The following ENTPD7 variants were observed in gnomAD, a reference collection of about 807,000 sequenced individuals.
The protein encoded by ENTPD7 is ectonucleoside triphosphate diphosphohydrolase 7.
In ENTPD7, 53 loss-of-function variants were observed where a neutral mutation model predicts 77.9. The ratio of observed to expected loss-of-function variants is 0.68; its 90% CI spans 0.55 to 0.85. ENTPD7 has a LOEUF of 0.85. ENTPD7 is among the 40% of genes least tolerant of loss of function. The pLI is 0.00. For missense variants in ENTPD7, 636 were observed against 743.7 expected (o/e 0.86, Z 1.68); for synonymous variants, 248 against 274.9 (o/e 0.90, Z 0.97).
intron 3 of ENTPD7, among the ~76,000 whole-genome samples, chr10:99,665,029 T>C (rs1015710170): frequency 8.6e-5 from 13 of 151,666 alleles, no homozygotes; most frequent in African/African-American, 2.2e-4. Context: ...GGCAGGTGGA[T>C]TGCACGAGCT....
intron 3 of ENTPD7, among the ~76,000 whole-genome samples, chr10:99,677,261 C>T (rs1003772000): frequency 3.3e-5 from 5 of 150,924 alleles, no homozygotes; most frequent in Non-Finnish European, 5.9e-5. Context: ...CTGTTAGCTT[C>T]AGACATCACA....
At chr10:99,695,839 C>T in intron 8 of ENTPD7, 117 bp from the exon 9 acceptor site, 1 of 929,016 alleles carries the variant, frequency 1.1e-6, no homozygotes, top group Admixed American at 3.1e-5. Flanking sequence ...TGAAAGAATG[C>T]TTAAGATGTT....
chr10:99,672,606 A>T (rs2035630662), intron 3 of ENTPD7, among the ~76,000 whole-genome samples: 1 of 152,142 alleles, frequency 6.6e-6, no homozygotes, highest in South Asian at 2.1e-4. Context: ...CACCCAGCCC[A>T]TTTATTTGAT....
In ENTPD7 at chr10:99,695,985, G is replaced by T. The variant is rs1205442940; in HGVS notation, c.873G>T (p.Glu291Asp). The stretch of plus-strand genomic sequence containing the variant: ...AAGCTGCCAAGATCCTGCTGGCTGA[G>T]TTCAACCTGGGCTGTGATGTGCAAC... ...QEEAAKILLA[E>D]FNLGCDVQHT... The change falls in exon 9 of 13, where the codon GAG becomes GAT. Residue 291 changes from glutamate to aspartate, a missense_variant. Around this residue, in one of 3 missense-constraint regions of ENTPD7, gnomAD observed 486 missense variants for 556.5 expected, o/e 0.87. Transcript: ENST00000370489. The T allele has an allele frequency of 6.2e-7, 1 of 1,613,736 alleles. No homozygotes were observed. The highest frequency in any genetic ancestry group is 8.5e-7 in the Non-Finnish European group (1 of 1,179,874).
intron 7 of ENTPD7, among the ~76,000 whole-genome samples, chr10:99,691,062 C>G (rs2035876480): frequency 6.6e-6 from 1 of 152,148 alleles, no homozygotes; most frequent in African/African-American, 2.4e-5. Flanking sequence ...TAATAGCTCA[C>G]TGCAGCCTCA....
At chr10:99,669,765 T>TG (rs1346550099) in intron 3 of ENTPD7, among the ~76,000 whole-genome samples, 79 of 143,694 alleles carry the variant, frequency 5.5e-4, no homozygotes, top group African/African-American at 2.0e-3. Context: ...TTTTTTTTTT[T>TG]TTGAGACAGA....
At position 99,704,582 on chromosome 10, in the gene ENTPD7, C is replaced by T. The variant is rs766522075; in HGVS notation, c.1714C>T (p.Leu572=). The change falls in exon 13 of 13, where the codon CTA becomes TTA. Residue 572 remains leucine (L), a synonymous_variant. Transcript: ENST00000370489. ...GGCCATCTTCCTATACCTTCTGCGG[C>T]TACGCCGAATTCACCACCGACAAAC... is the stretch of plus-strand genomic sequence containing the variant. ...LLAIFLYLLR[L]RRIHHRQTRA... is the part of the protein sequence containing the mutation. 6.2e-7 allele frequency: 1 copy of T among 1,614,216 alleles called. No individual in the cohort carries two copies. The highest frequency in any genetic ancestry group is 1.1e-5 in the South Asian group (1 of 91,082).
At chr10:99,702,434 T>A in intron 11 of ENTPD7, 78 bp from the exon 12 acceptor site, 1 of 1,264,288 alleles carries the variant, frequency 7.9e-7, no homozygotes, top group Non-Finnish European at 1.1e-6. Flanking sequence ...CTTGTGGGAA[T>A]ACGGAGTGGC....
Position 99,663,465 on chromosome 10 carries a change from GT to G in ENTPD7, c.191+1852del, listed in dbSNP as rs796785991. Among the ~76,000 whole-genome samples the G allele has an allele frequency of 1.5e-3, 208 of 134,306 alleles. 1 individual carries two copies. The highest frequency in any genetic ancestry group is 3.1e-3 in the South Asian group (13 of 4,170). 88.1% of individuals were successfully genotyped at this position (134,306 alleles called of 152,430 possible). Reference sequence around the variant, plus strand: ...TGTTGTTTTCTACATGATTTTATTTGTTTTTTTTTTTTTTTGAGACTATCTC... The same window carrying G: ...TGTTGTTTTCTACATGATTTTATTTGTTTTTTTTTTTTTTGAGACTATCTC... On this transcript the variant is annotated intron_variant, in intron 3 of 12. Transcript: ENST00000370489.
Position 99,710,850 on chromosome 10 carries a change from A to G in ENTPD7, c.*6167A>G, listed in dbSNP as rs1169378633. 1.0e-6 allele frequency: 1 copy of G among 985,320 alleles called. No individual in the cohort carries two copies. The highest frequency in any genetic ancestry group is 1.2e-6 in the Non-Finnish European group (1 of 829,930). The allele number at this position is 985,320 out of a possible 1,614,324, so 61.0% of individuals were successfully genotyped here. A position where few individuals can be genotyped will look rare whatever the true frequency, so the allele number is the denominator to read the frequency against. The stretch of plus-strand genomic sequence containing the variant: ...TTTGTCAGTCTAAGTTACAGACAAA[A>G]AATTCTAGGTTGACTGATTAAGAAA... On this transcript the variant is annotated 3_prime_UTR_variant, in exon 13 of 13. Transcript: ENST00000370489.
rs2036281770 is a variant in ENTPD7 at position 99,707,789 on chromosome 10, A to T, written c.*3106A>T. Among the ~76,000 whole-genome samples the T allele has an allele frequency of 2.0e-5, 3 of 152,186 alleles. No individual in the cohort carries two copies. In the South Asian group the frequency reaches 6.2e-4, roughly 32 times the overall value. On this transcript the variant is annotated 3_prime_UTR_variant, in exon 13 of 13. Transcript: ENST00000370489. ...GAACATAATGAAAAATATGTAAAATACCCATTTATGTGGCATTTCATTCAC... is the reference window on the plus strand; with the variant it reads ...GAACATAATGAAAAATATGTAAAATTCCCATTTATGTGGCATTTCATTCAC...
At chr10:99,701,327 G>C (rs2036119835) in intron 11 of ENTPD7, among the ~76,000 whole-genome samples, 1 of 149,536 alleles carries the variant, frequency 6.7e-6, no homozygotes, top group East Asian at 2.0e-4. Flanking sequence ...TCACTTTGTT[G>C]CCCAGGCTGG....
chr10:99,688,661 A>T, intron 6 of ENTPD7, 33 bp from the exon 7 acceptor site: 3 of 1,611,938 alleles, frequency 1.9e-6, no homozygotes, highest in Non-Finnish European at 2.5e-6. Flanking sequence ...AGCAGTAGAG[A>T]ATTAAGTGAG....
rs2035679952 is a variant in ENTPD7, at chr10:99,676,257, TTTATTTAAA to T, written c.192-3002_192-2994del. Among the ~76,000 whole-genome samples the T allele has an allele frequency of 3.9e-5, 6 of 152,180 alleles. No individual in the cohort carries two copies. In the South Asian group the frequency reaches 1.2e-3, roughly 32 times the overall value. On this transcript the variant is annotated intron_variant, in intron 3 of 12. Coordinates refer to ENST00000370489, the MANE Select transcript of ENTPD7 (RefSeq NM_020354.5). The stretch of plus-strand genomic sequence containing the variant: ...ATATATTTATATGTAATGAGTTTAT[TTTATTTAAA>T]TGAAATACTTAACATTTTTATGTTT...
chr10:99,660,015 G>A, intron 2 of ENTPD7, 51 bp downstream of exon 2: 5 of 1,613,358 alleles, frequency 3.1e-6, no homozygotes, highest in Non-Finnish European at 4.2e-6. Context: ...AGGATGGCAG[G>A]CAGGTTGGGG....
intron 11 of ENTPD7, among the ~76,000 whole-genome samples, chr10:99,701,290 AT>A (rs66537004): frequency 0.43 from 62,951 of 146,712 alleles, 13,571 homozygotes; most frequent in Middle Eastern, 0.58. Context: ...AACAAAAGTG[AT>A]TTTTTTTTTT....
chr10:99,695,444 C>T (rs1454662924), intron 8 of ENTPD7, among the ~76,000 whole-genome samples: 2 of 152,126 alleles, frequency 1.3e-5, no homozygotes, highest in South Asian at 4.2e-4. Flanking sequence ...ATTGCTTGAA[C>T]CCGGGAGGCG....
Position 99,659,787 on chromosome 10 carries a change from G to C in ENTPD7, c.-95-75G>C. The stretch of plus-strand genomic sequence containing the variant: ...CGGAGCGGGAGCCTGGGGAGGAGGT[G>C]GGAGCCGTGGAATTCCCGTGCAGGT... On this transcript the variant is annotated intron_variant, in intron 1 of 12. Coordinates refer to ENST00000370489, the MANE Select transcript of ENTPD7 (RefSeq NM_020354.5). This position sits in a 1 kb window ranked among gnomAD's most constrained non-coding sequence, Gnocchi z 4.1. The C allele has an allele frequency of 1.2e-6, 1 of 854,860 alleles. No homozygotes were observed. The highest frequency in any genetic ancestry group is 1.7e-5 in the South Asian group (1 of 59,600). 53.0% of individuals were successfully genotyped at this position (854,860 alleles called of 1,614,324 possible). A position where few individuals can be genotyped will look rare whatever the true frequency, so the allele number is the denominator to read the frequency against.
intron 7 of ENTPD7, among the ~76,000 whole-genome samples, chr10:99,689,297 A>G (rs1474098439): frequency 1.3e-5 from 2 of 152,218 alleles, no homozygotes. Context: ...TGTTCAAATC[A>G]GAATCTGAAC....
Sources: gnomAD v4.1 joint callset for allele counts (sites outside exome capture counted in the v4.1 genomes callset) on GRCh38, gnomAD v4.1.1 for gene constraint, gnomAD v4.1.1 regional missense constraint, Gnocchi (gnomAD v3.1) non-coding constraint, MANE v1.5 for transcripts, NCBI Gene and HGNC (gene_info 2026-07-23, HGNC 2026-07-21) for gene names.